Variants in RORA observed in about 807,000 individuals in gnomAD.
RORA encodes the protein RAR related orphan receptor A.
In RORA, 7 loss-of-function variants were observed where a neutral mutation model predicts 69.5. The ratio of observed to expected loss-of-function variants is 0.10; its 90% CI spans 0.06 to 0.19. RORA has a LOEUF of 0.19. Ranked by LOEUF, RORA falls within the 10% of genes least tolerant of loss-of-function variation. The pLI, the probability that RORA is intolerant of heterozygous loss-of-function variation, is 1.00. For synonymous variants in RORA, 261 were observed against 240.8 expected (o/e 1.08, Z -0.78); for missense variants, 457 against 663.0 (o/e 0.69, Z 3.41).
chr15:60,531,578 G>A lies in RORA; in HGVS notation c.282+188C>T. On this transcript the variant is annotated intron_variant, in intron 3 of 10. Coordinates refer to ENST00000335670, the MANE Select transcript of RORA (RefSeq NM_134261.3). This position sits in a 1 kb window ranked among gnomAD's most constrained non-coding sequence, Gnocchi z 4.8. Reference sequence around the variant, plus strand: ...TTTTGTAATCTCCTATTATTTTGAAGGAAGGAGTAAAAATATATATAACTT... The same window carrying A: ...TTTTGTAATCTCCTATTATTTTGAAAGAAGGAGTAAAAATATATATAACTT... 1 of 514,820 alleles carries A rather than the reference G, an allele frequency of 1.9e-6. No individual in the cohort carries two copies. Among genetic ancestry groups the A allele is most frequent in the South Asian group, 3.1e-5 (1 of 32,012 alleles). 31.9% of individuals were successfully genotyped at this position (514,820 alleles called of 1,614,324 possible).
intron 1 of RORA, among the ~76,000 whole-genome samples, chr15:60,701,299 G>A (rs2070978110): frequency 6.6e-6 from 1 of 152,132 alleles, no homozygotes; most frequent in African/African-American, 2.4e-5. Flanking sequence ...TTCAGGAAAG[G>A]TACAGCTTTA....
Position 60,550,590 on chromosome 15 carries a change from C to G in RORA, c.197-18739G>C, listed in dbSNP as rs1213703441. Among the ~76,000 whole-genome samples, 3 of 152,286 alleles carry G rather than the reference C, an allele frequency of 2.0e-5. No individual in the cohort carries two copies. The South Asian group carries it at 6.2e-4, about 32-fold the overall frequency. On this transcript the variant is annotated intron_variant, in intron 2 of 10. Coordinates refer to ENST00000335670, the MANE Select transcript of RORA (RefSeq NM_134261.3). ...AAAGGGATTAAAGTTATTGTCAGCA[C>G]ACACATGGATCAGCTTTCAATGGAA...
chr15:61,082,016 A>G (rs2078549528), intron 1 of RORA, among the ~76,000 whole-genome samples: 1 of 152,186 alleles, frequency 6.6e-6, no homozygotes, highest in Non-Finnish European at 1.5e-5. Flanking sequence ...CATTTCCAAA[A>G]CATGGGGATA....
chr15:60,505,765 C>G, intron 5 of RORA, 136 bp from the exon 6 acceptor site: 1 of 988,334 alleles, frequency 1.0e-6, no homozygotes, highest in South Asian at 1.6e-5. Context: ...CACATTTAAA[C>G]AAGTAATTTG....
At chr15:60,500,092 A>G in intron 9 of RORA, 88 bp from the exon 10 acceptor site, 1 of 775,850 alleles carries the variant, frequency 1.3e-6, no homozygotes, top group South Asian at 1.8e-5. Context: ...ACGGATAATT[A>G]TATCACAATG....
chr15:60,502,783 C>G lies in RORA; in HGVS notation c.1160G>C (p.Ser387Thr), dbSNP rs1201666997. The G allele has an allele frequency of 6.2e-7, 1 of 1,613,238 alleles. No homozygotes were observed. Among genetic ancestry groups the G allele is most frequent in the African/African-American group, 1.3e-5 (1 of 75,018 alleles). ...ACCTAAGGATTTGAAGACGTCGGGG[C>G]TGGCATACTTCCCATCAAAGTACAC... Reference protein sequence around the residue: ...NTVYFDGKYASPDVFKSLGCE... With the variant: ...NTVYFDGKYATPDVFKSLGCE... Residue 387 changes from serine (S) to threonine (T), a missense_variant, in exon 8 of 11, where the codon AGC becomes ACC. Physicochemically the swap from Ser to Thr is moderately conservative, Grantham distance 58 (BLOSUM62 1). Transcript: ENST00000335670.
At chr15:61,130,774 T>A (rs1000619121) in intron 1 of RORA, among the ~76,000 whole-genome samples, 15 of 152,356 alleles carry the variant, frequency 9.8e-5, no homozygotes, top group African/African-American at 3.6e-4. Context: ...CACTCTAGAA[T>A]GGGTGTTCCC....
intron 2 of RORA, among the ~76,000 whole-genome samples, chr15:60,554,373 C>A (rs1230806374): frequency 6.6e-6 from 1 of 151,954 alleles, no homozygotes; most frequent in Non-Finnish European, 1.5e-5. Context: ...AATATATTCA[C>A]AATGAGATAA....
chr15:60,990,198 T>G (rs1268046188), intron 1 of RORA, among the ~76,000 whole-genome samples: 1 of 152,216 alleles, frequency 6.6e-6, no homozygotes, highest in Non-Finnish European at 1.5e-5. Context: ...ATGCACTGTT[T>G]ATGTACTCAG....
At chr15:61,078,329 C>CTGTGTGTGTGTGTGTGTG (rs56676588) in intron 1 of RORA, among the ~76,000 whole-genome samples, 22 of 133,254 alleles carry the variant, frequency 1.7e-4, no homozygotes, top group East Asian at 7.1e-4. Context: ...ACACCTGGCT[C>CTGTGTGTGTGTGTGTGTG]TGTGTGTGTG....
chr15:60,808,853 A>G (rs1456832332), intron 1 of RORA, among the ~76,000 whole-genome samples: 3 of 152,074 alleles, frequency 2.0e-5, no homozygotes, highest in Non-Finnish European at 4.4e-5. Flanking sequence ...AGCAACGTGG[A>G]AGGAATTGGT....
rs143358122 is a variant in RORA at position 61,004,871 on chromosome 15, A to G, written c.166+224182T>C. Among the ~76,000 whole-genome samples, 387 of 152,338 alleles carry G rather than the reference A, an allele frequency of 2.5e-3. 6 individuals carry two copies. Among genetic ancestry groups the G allele is most frequent in the African/African-American group, 8.9e-3 (369 of 41,568 alleles). On this transcript the variant is annotated intron_variant, in intron 1 of 10. Coordinates refer to ENST00000335670, the MANE Select transcript of RORA (RefSeq NM_134261.3). Reference sequence around the variant, plus strand: ...TGTTACACTTTTTAAAACTTATCCAATTAGCAAAGATGAAAAAGAAAGATA... The same window carrying G: ...TGTTACACTTTTTAAAACTTATCCAGTTAGCAAAGATGAAAAAGAAAGATA...
intron 5 of RORA, among the ~76,000 whole-genome samples, chr15:60,507,371 T>C (rs2065541719): frequency 6.6e-6 from 1 of 152,204 alleles, no homozygotes; most frequent in African/African-American, 2.4e-5. Flanking sequence ...CAGACTTGTT[T>C]GTGTGAAAAC....
chr15:60,552,254 A>G (rs982131831), intron 2 of RORA, among the ~76,000 whole-genome samples: 5 of 152,268 alleles, frequency 3.3e-5, no homozygotes, highest in Non-Finnish European at 7.4e-5. Flanking sequence ...CCACAAGTGC[A>G]CTGCAGTCAT....
intron 1 of RORA, among the ~76,000 whole-genome samples, chr15:61,029,072 T>C (rs1895995084): frequency 6.6e-6 from 1 of 151,966 alleles, no homozygotes; most frequent in Admixed American, 6.6e-5. Flanking sequence ...GTGGTGATGG[T>C]TGCACACCTC....
intron 1 of RORA, among the ~76,000 whole-genome samples, chr15:60,894,895 G>A (rs1475769870): frequency 6.6e-6 from 1 of 152,314 alleles, no homozygotes; most frequent in Non-Finnish European, 1.5e-5. Context: ...GGCGGGAAAT[G>A]AAATCGCACA....
chr15:60,905,072 G>A lies in RORA; in HGVS notation c.167-226386C>T, dbSNP rs188046839. 5.9e-5 allele frequency among the ~76,000 whole-genome samples: 9 copies of A among 152,258 alleles called. No individual in the cohort carries two copies. Among genetic ancestry groups the A allele is most frequent in the African/African-American group, 1.2e-4 (5 of 41,542 alleles). On this transcript the variant is annotated intron_variant, in intron 1 of 10. Coordinates refer to ENST00000335670, the MANE Select transcript of RORA (RefSeq NM_134261.3). This position sits in a 1 kb window ranked among gnomAD's most constrained non-coding sequence, Gnocchi z 4.8. ...AGGGCTTGAGGCTCTGGGGGCGCTCGTCTTTAATGTTAATGAGACTCATTC... is the reference window on the plus strand; with the variant it reads ...AGGGCTTGAGGCTCTGGGGGCGCTCATCTTTAATGTTAATGAGACTCATTC...
chr15:60,903,915 T>C (rs1446005184), intron 1 of RORA, among the ~76,000 whole-genome samples: 1 of 152,198 alleles, frequency 6.6e-6, no homozygotes, highest in African/African-American at 2.4e-5. Flanking sequence ...TGGGGGTACA[T>C]TTTGCATTCA....
At chr15:60,655,450 T>C (rs1227313854) in intron 2 of RORA, among the ~76,000 whole-genome samples, 1 of 152,068 alleles carries the variant, frequency 6.6e-6, no homozygotes, top group African/African-American at 2.4e-5. Context: ...AGAATACCTG[T>C]TTAGTGTTTC....
Sources: allele counts gnomAD v4.1 joint callset (sites outside exome capture counted in the v4.1 genomes callset), GRCh38; gene constraint gnomAD v4.1.1; non-coding constraint Gnocchi (gnomAD v3.1); transcripts MANE v1.5; gene names NCBI Gene and HGNC (gene_info 2026-07-23, HGNC 2026-07-21).